Variants in PAPOLA observed in about 807,000 individuals in gnomAD.
The protein encoded by PAPOLA is poly(A) polymerase alpha, also known as polynucleotide adenylyltransferase alpha.
PAPOLA carries 15 observed loss-of-function variants against 100.6 expected under a neutral mutation model. The observed-to-expected ratio is 0.15, with a 90% confidence interval of 0.10 to 0.23. The LOEUF is 0.23. Ranked by LOEUF, PAPOLA falls within the 10% of genes least tolerant of loss-of-function variation. PAPOLA has a pLI of 1.00. For synonymous variants in PAPOLA, 293 were observed against 300.0 expected (o/e 0.98, Z 0.24); for missense variants, 533 against 884.2 (o/e 0.60, Z 5.04).
chr14:96,543,153 A>C (rs1247221591), intron 14 of PAPOLA, among the ~76,000 whole-genome samples: 3 of 152,124 alleles, frequency 2.0e-5, no homozygotes, highest in Non-Finnish European at 2.9e-5. Context: ...TTTACATTCT[A>C]CAGTTCTGCT....
intron 1 of PAPOLA, among the ~76,000 whole-genome samples, chr14:96,519,436 T>A (rs1897758309): frequency 2.0e-5 from 3 of 152,190 alleles, no homozygotes; most frequent in African/African-American, 4.8e-5. Flanking sequence ...TATGCCTTTT[T>A]ACAAATTTGG....
chr14:96,509,521 G>A (rs1273182636), intron 1 of PAPOLA, among the ~76,000 whole-genome samples: 1 of 152,192 alleles, frequency 6.6e-6, no homozygotes, highest in Non-Finnish European at 1.5e-5. Flanking sequence ...GAGATCTTGT[G>A]CATTGCTTAA....
chr14:96,544,809 C>G (rs1900258304), intron 15 of PAPOLA, among the ~76,000 whole-genome samples: 2 of 151,938 alleles, frequency 1.3e-5, no homozygotes, highest in Admixed American at 1.3e-4. Flanking sequence ...ATTGATGAAG[C>G]AGAACTTGTG....
intron 9 of PAPOLA, chr14:96,533,595 C>T: frequency 1.1e-6 from 1 of 879,726 alleles, no homozygotes; most frequent in South Asian, 5.3e-5. Flanking sequence ...CACTCTGTCA[C>T]CCAGGCTGGA....
chr14:96,532,306 G>T (rs45581934), intron 7 of PAPOLA, 25 bp from the exon 8 acceptor site: 78,897 of 1,233,502 alleles, frequency 0.064, 2,325 homozygotes, highest in Non-Finnish European at 0.067. Context: ...GTGTGTGTGT[G>T]TTTTTTTTTA....
At chr14:96,511,103 C>T (rs952680208) in intron 1 of PAPOLA, among the ~76,000 whole-genome samples, 2 of 152,164 alleles carry the variant, frequency 1.3e-5, no homozygotes, top group Non-Finnish European at 2.9e-5. Context: ...GCAAGTTTGG[C>T]TTTCAGTTTT....
intron 16 of PAPOLA, among the ~76,000 whole-genome samples, chr14:96,549,139 CAT>C (rs1900628422): frequency 6.6e-6 from 1 of 152,032 alleles, no homozygotes; most frequent in East Asian, 1.9e-4. Context: ...AATAAATGCT[CAT>C]ATTGGCTTTT....
intron 1 of PAPOLA, among the ~76,000 whole-genome samples, chr14:96,509,100 T>G (rs1358676961): frequency 6.6e-6 from 1 of 152,158 alleles, no homozygotes; most frequent in Non-Finnish European, 1.5e-5. Context: ...GGTGTGATCA[T>G]GGGTCACTGC....
intron 17 of PAPOLA, among the ~76,000 whole-genome samples, chr14:96,555,590 C>G (rs1901249074): frequency 6.6e-6 from 1 of 152,016 alleles, no homozygotes; most frequent in South Asian, 2.1e-4. Flanking sequence ...CTACCATGTC[C>G]AGTAGCACAG....
intron 18 of PAPOLA, 84 bp from the exon 19 acceptor site, chr14:96,556,091 A>G: frequency 2.3e-6 from 3 of 1,276,642 alleles, no homozygotes; most frequent in Non-Finnish European, 3.4e-6. Context: ...TATTCATGAA[A>G]TCAAATTCAG....
intron 18 of PAPOLA, 38 bp downstream of exon 18, chr14:96,555,985 C>A (rs762063832): frequency 5.8e-6 from 8 of 1,389,928 alleles, no homozygotes; most frequent in Admixed American, 1.7e-5. Flanking sequence ...AGAATTCTTA[C>A]ATTATATTTG....
At chr14:96,559,579 CTCTATA>C (rs1901654474) in intron 19 of PAPOLA, among the ~76,000 whole-genome samples, 2 of 108,448 alleles carry the variant, frequency 1.8e-5, no homozygotes, top group African/African-American at 3.9e-5. Context: ...CTCTCTCTCT[CTCTATA>C]TATATATATA....
At chr14:96,516,943 G>GA (rs1897516962) in intron 1 of PAPOLA, among the ~76,000 whole-genome samples, 1 of 151,670 alleles carries the variant, frequency 6.6e-6, no homozygotes, top group Admixed American at 6.6e-5. Flanking sequence ...ATTTGAGTAA[G>GA]AAAAAAATGG....
At chr14:96,535,163 A>G in intron 10 of PAPOLA, 3 of 934,590 alleles carry the variant, frequency 3.2e-6, no homozygotes, top group Non-Finnish European at 3.8e-6. Context: ...AAACTGATAA[A>G]AGAAATTTAG....
chr14:96,532,798 A>G, intron 9 of PAPOLA, 149 bp downstream of exon 9: 2 of 1,354,208 alleles, frequency 1.5e-6, no homozygotes, highest in South Asian at 2.1e-5. Flanking sequence ...ATTGTGTATA[A>G]AATGGCAAAC....
At chr14:96,532,142 T>TC (rs1398016167) in intron 7 of PAPOLA, 189 bp from the exon 8 acceptor site, 1 of 1,376,906 alleles carries the variant, frequency 7.3e-7, no homozygotes. Context: ...TTAGATTTTT[T>TC]CCCCCTCTTT....
At chr14:96,553,818 T>C (rs1054617049) in intron 17 of PAPOLA, among the ~76,000 whole-genome samples, 1 of 152,144 alleles carries the variant, frequency 6.6e-6, no homozygotes, top group Non-Finnish European at 1.5e-5. Context: ...CGGCCTGTAT[T>C]ACAATTTAAC....
At chr14:96,505,851 C>G (rs1358613419) in intron 1 of PAPOLA, among the ~76,000 whole-genome samples, 1 of 152,136 alleles carries the variant, frequency 6.6e-6, no homozygotes, top group East Asian at 1.9e-4. Flanking sequence ...AGGCAGAGAA[C>G]CGGTATTGTA....
chr14:96,510,470 A>AAC (rs1397812027), intron 1 of PAPOLA, among the ~76,000 whole-genome samples: 1 of 84,576 alleles, frequency 1.2e-5, no homozygotes, highest in African/African-American at 6.5e-5. Flanking sequence ...AGAGGGACAC[A>AAC]ACACACACGC....
Sources: gnomAD v4.1 joint callset for allele counts (sites outside exome capture counted in the v4.1 genomes callset) on GRCh38, gnomAD v4.1.1 for gene constraint, MANE v1.5 for transcripts, NCBI Gene and HGNC (gene_info 2026-07-23, HGNC 2026-07-21) for gene names.